The following SIPA1 variants were observed in gnomAD, a reference collection of about 807,000 sequenced individuals.
SIPA1 encodes signal-induced proliferation-associated protein 1.
Under a neutral mutation model 88.1 loss-of-function variants are expected in SIPA1, and 51 were observed. The observed-to-expected ratio is 0.58, with a 90% CI of 0.46 to 0.73. The LOEUF is 0.73. Among genes scored for constraint, SIPA1 ranks in the 30% least tolerant of loss-of-function variants. The probability of loss-of-function intolerance (pLI) is 0.00; values close to 1 mark genes in which losing one functional copy is unlikely to be tolerated. For synonymous variants in SIPA1, 681 were observed against 664.8 expected (o/e 1.02, Z -0.37); for missense variants, 1,348 against 1,467.6 (o/e 0.92, Z 1.33).
intron 1 of SIPA1, chr11:65,639,055 ATTCT>A (rs1440697300): frequency 6.6e-6 from 1 of 152,334 alleles, no homozygotes; most frequent in African/African-American, 2.4e-5. Context: ...CACTCACCTC[ATTCT>A]TCTCAGTCTC....
In SIPA1 at chr11:65,646,025, G is replaced by A. The variant is rs925480414; in HGVS notation, c.1263+68G>A. The A allele has an allele frequency of 8.1e-6, 11 of 1,365,776 alleles. No homozygotes were observed. Among genetic ancestry groups the A allele is most frequent in the East Asian group, 4.8e-5 (2 of 41,462 alleles). 84.6% of individuals were successfully genotyped at this position (1,365,776 alleles called of 1,614,324 possible). A position where few individuals can be genotyped will look rare whatever the true frequency, so the allele number is the denominator to read the frequency against. On this transcript the variant is annotated intron_variant, in intron 6 of 15. Coordinates refer to ENST00000534313, the MANE Select transcript of SIPA1 (RefSeq NM_006747.4). This position sits in a 1 kb window ranked among gnomAD's most constrained non-coding sequence, Gnocchi z 7.5. ...TGGAGGGCCCTGCATGGCCCATGAC[G>A]TTTGAGCTTTGGCCGGAGCTCTGTT...
At chr11:65,640,656 G>A (rs551452003) in intron 1 of SIPA1, 175 bp from the exon 2 acceptor site, 2 of 444,888 alleles carry the variant, frequency 4.5e-6, no homozygotes, top group South Asian at 9.6e-5. Flanking sequence ...GCTAAGCTGG[G>A]GAGGGGGCTG....
rs1856017222 is a variant in SIPA1 at position 65,642,161 on chromosome 11, T to C, written c.680-89T>C. Reference sequence around the variant, plus strand: ...CAACATTTGGTGGTGAGATGAAGCCTAGGGCGGGGCTTAGTGATGCGCGTG... The same window carrying C: ...CAACATTTGGTGGTGAGATGAAGCCCAGGGCGGGGCTTAGTGATGCGCGTG... On this transcript the variant is annotated intron_variant, in intron 2 of 15. Transcript: ENST00000534313. The surrounding 1 kb of genome is among the most constrained non-coding windows in gnomAD (Gnocchi z 6.5). 2 of 1,500,860 alleles carry C rather than the reference T, an allele frequency of 1.3e-6. No homozygotes were observed. Among genetic ancestry groups the C allele is most frequent in the Non-Finnish European group, 1.8e-6 (2 of 1,121,390 alleles). The allele number at this position is 1,500,860 out of a possible 1,614,324, so 93.0% of individuals were successfully genotyped here.
intron 5 of SIPA1, 183 bp from the exon 6 acceptor site, chr11:65,645,671 A>G: frequency 1.8e-6 from 1 of 551,738 alleles, no homozygotes; most frequent in Non-Finnish European, 3.3e-6. Flanking sequence ...GAGGGAGAGG[A>G]GGAGGGGCAC....
In SIPA1 at chr11:65,646,197, G is replaced by A. The variant is rs201900465; in HGVS notation, c.1264-24G>A. On this transcript the variant is annotated intron_variant, in intron 6 of 15. Transcript: ENST00000534313. This position sits in a 1 kb window ranked among gnomAD's most constrained non-coding sequence, Gnocchi z 7.5. ...TTTGGGGCACAGAAGACCTCATCAC[G>A]AGCCCCTACTATCCAACCCCTAGCT... is the stretch of plus-strand genomic sequence containing the variant. 416 of 1,611,848 alleles carry A rather than the reference G, an allele frequency of 2.6e-4. 1 individual carries two copies. The highest frequency in any genetic ancestry group is 3.3e-4 in the Non-Finnish European group (388 of 1,179,154).
Position 65,646,735 on chromosome 11 carries a change from C to T in SIPA1, c.1701C>T (p.Ala567=), listed in dbSNP as rs1318797578. Residue 567 remains alanine (A), a synonymous_variant, in exon 8 of 16, where the codon GCC becomes GCT. Coordinates refer to ENST00000534313, the MANE Select transcript of SIPA1 (RefSeq NM_006747.4). The surrounding 1 kb of genome is among the most constrained non-coding windows in gnomAD (Gnocchi z 7.5). ...CCCTGGGTGGGAGGCGCCGGGCGGC[C>T]CCTCGGGGCCCAGGCGCCGAGCTGC... ...LPSLGGRRRA[A]PRGPGAELQA... 3.9e-6 allele frequency: 6 copies of T among 1,523,922 alleles called. No individual in the cohort carries two copies. Among genetic ancestry groups the T allele is most frequent in the Non-Finnish European group, 5.3e-6 (6 of 1,139,802 alleles). The allele number at this position is 1,523,922 out of a possible 1,614,324, so 94.4% of individuals were successfully genotyped here. A position where few individuals can be genotyped will look rare whatever the true frequency, so the allele number is the denominator to read the frequency against.
rs1238971039 is a variant in SIPA1, at chr11:65,649,410, C to G, written c.2455C>G (p.Pro819Ala). ...GTGCCTGCAAGATGGTGGCAGTCCT[C>G]CAGGGCCTGGGGATCTGGCCGAGGA... is the stretch of plus-strand genomic sequence containing the variant. ...HLCLQDGGSP[P>A]GPGDLAEERT... Residue 819 changes from proline to alanine, a missense_variant, in exon 10 of 16, where the codon CCA becomes GCA. By Grantham distance (27) the Pro-to-Ala change is conservative. Transcript: ENST00000534313. 1 of 1,591,066 alleles carries G rather than the reference C, an allele frequency of 6.3e-7. No homozygotes were observed. Among genetic ancestry groups the G allele is most frequent in the Non-Finnish European group, 8.6e-7 (1 of 1,168,522 alleles).
rs758266247 is a variant in SIPA1, at chr11:65,642,243, C to T, written c.680-7C>T. 3 of 1,550,882 alleles carry T rather than the reference C, an allele frequency of 1.9e-6. No individual in the cohort carries two copies. The highest frequency in any genetic ancestry group is 2.6e-6 in the Non-Finnish European group (3 of 1,148,370). ...GACCAATCGTTTTCTTCGGCGCGGTCCCCCAGAACATCAGAACTTCTTCGG... is the reference window on the plus strand; with the variant it reads ...GACCAATCGTTTTCTTCGGCGCGGTTCCCCAGAACATCAGAACTTCTTCGG... On this transcript the variant is annotated splice_region_variant and splice_polypyrimidine_tract_variant and intron_variant, in intron 2 of 15. Transcript: ENST00000534313. This position sits in a 1 kb window ranked among gnomAD's most constrained non-coding sequence, Gnocchi z 6.5.
rs1300013333 is a variant in SIPA1 at position 65,641,366 on chromosome 11, G to A, written c.445G>A (p.Ala149Thr). Residue 149 changes from alanine (A) to threonine (T), a missense_variant, in exon 2 of 16, where the codon GCC (alanine) becomes ACC (threonine). Around this residue, in one of 4 missense-constraint regions of SIPA1, gnomAD observed 641 missense variants for 797.7 expected, o/e 0.80. Coordinates refer to ENST00000534313, the MANE Select transcript of SIPA1 (RefSeq NM_006747.4). Reference sequence around the variant, plus strand: ...GGCCAGCTCTGGGACCCTGGCTTCAGCCGAGGACCAGGCTGCCAGCTCGGA... The same window carrying A: ...GGCCAGCTCTGGGACCCTGGCTTCAACCGAGGACCAGGCTGCCAGCTCGGA... ...SEASSGTLASAEDQAASSDLL... is the reference protein window; with the variant it reads ...SEASSGTLASTEDQAASSDLL... 3 of 1,613,254 alleles carry A rather than the reference G, an allele frequency of 1.9e-6. No homozygotes were observed. The highest frequency in any genetic ancestry group is 1.3e-5 in the African/African-American group (1 of 74,944).
chr11:65,646,732 G>T lies in SIPA1; in HGVS notation c.1698G>T (p.Ala566=). The T allele has an allele frequency of 6.6e-7, 1 of 1,523,944 alleles. No individual in the cohort carries two copies. 94.4% of individuals were successfully genotyped at this position (1,523,944 alleles called of 1,614,324 possible). Residue 566 remains alanine (A), a synonymous_variant, in exon 8 of 16, where the codon GCG becomes GCT. Coordinates refer to ENST00000534313, the MANE Select transcript of SIPA1 (RefSeq NM_006747.4). This position sits in a 1 kb window ranked among gnomAD's most constrained non-coding sequence, Gnocchi z 7.5. The part of the protein sequence containing the change: ...GLPSLGGRRR[A]APRGPGAELQ... The stretch of plus-strand genomic sequence containing the variant: ...CCTCCCTGGGTGGGAGGCGCCGGGC[G>T]GCCCCTCGGGGCCCAGGCGCCGAGC...
rs756494031 is a variant in SIPA1, at chr11:65,641,087, G to A, written c.166G>A (p.Asp56Asn). 82 of 1,599,744 alleles carry A rather than the reference G, an allele frequency of 5.1e-5. No individual in the cohort carries two copies. Among genetic ancestry groups the A allele is most frequent in the Non-Finnish European group, 6.2e-5 (73 of 1,177,884 alleles). The change falls in exon 2 of 16, where the codon GAT (aspartate) becomes AAT (asparagine). Residue 56 changes from aspartate to asparagine, a missense_variant. Asp to Asn is a conservative substitution (Grantham distance 23, BLOSUM62 1). This residue lies in a region of SIPA1 where 641 missense variants were observed against 797.7 expected (regional missense o/e 0.80). Transcript: ENST00000534313. ...VRGPLLRSGS[D>N]AGEARPPTPA... is the part of the protein sequence containing the mutation. ...GGGCCCACTCCTGCGCAGCGGCAGC[G>A]ATGCAGGCGAGGCCAGGCCCCCCAC...
In SIPA1 at chr11:65,645,246, G is replaced by C. The variant is rs1310582097; in HGVS notation, c.1159+117G>C. ...GGGCTGGGGACTGGAGAGTTCTTTG[G>C]GTGAGCTAAGGATCTGAGTCAGGGC... On this transcript the variant is annotated intron_variant, in intron 5 of 15. Coordinates refer to ENST00000534313, the MANE Select transcript of SIPA1 (RefSeq NM_006747.4). 2.9e-6 allele frequency: 3 copies of C among 1,028,122 alleles called. No homozygotes were observed. In the African/African-American group the frequency reaches 4.8e-5, roughly 16 times the overall value. The allele number at this position is 1,028,122 out of a possible 1,614,324, so 63.7% of individuals were successfully genotyped here.
chr11:65,645,050 C>T lies in SIPA1; in HGVS notation c.1080C>T (p.Phe360=). ...MYNNQEAGPA[F]MQFLTLLGDV... The stretch of plus-strand genomic sequence containing the variant: ...ACAACCAGGAGGCGGGACCGGCCTT[C>T]ATGCAGTTTCTCACCTTGCTGGGCG... Residue 360 remains phenylalanine, a synonymous_variant, in exon 5 of 16, where the codon TTC becomes TTT. Coordinates refer to ENST00000534313, the MANE Select transcript of SIPA1 (RefSeq NM_006747.4). 6.2e-7 allele frequency: 1 copy of T among 1,614,036 alleles called. No homozygotes were observed. Among genetic ancestry groups the T allele is most frequent in the Non-Finnish European group, 8.5e-7 (1 of 1,179,950 alleles).
In SIPA1 at chr11:65,644,948, C is replaced by A. The variant is rs1856077920; in HGVS notation, c.985-7C>A. The A allele has an allele frequency of 3.1e-6, 5 of 1,609,840 alleles. No individual in the cohort carries two copies. The Admixed American group carries it at 6.7e-5, about 22-fold the overall frequency. On this transcript the variant is annotated splice_region_variant and splice_polypyrimidine_tract_variant and intron_variant, in intron 4 of 15. Transcript: ENST00000534313. ...TGAGACCTATGCCTTCTGTCTCCCACCCACAGCTGAGCTTCCAACGCAAGG... is the reference window on the plus strand; with the variant it reads ...TGAGACCTATGCCTTCTGTCTCCCAACCACAGCTGAGCTTCCAACGCAAGG...
Position 65,641,127 on chromosome 11 carries a change from G to T in SIPA1, c.206G>T (p.Arg69Leu), listed in dbSNP as rs904571941. 3 of 1,602,516 alleles carry T rather than the reference G, an allele frequency of 1.9e-6. No individual in the cohort carries two copies. Among genetic ancestry groups the T allele is most frequent in the Non-Finnish European group, 2.5e-6 (3 of 1,179,210 alleles). The change falls in exon 2 of 16, where the codon CGT (arginine) becomes CTT (leucine). Residue 69 changes from arginine (R) to leucine (L), a missense_variant. Around this residue, in one of 4 missense-constraint regions of SIPA1, gnomAD observed 641 missense variants for 797.7 expected, o/e 0.80. Coordinates refer to ENST00000534313, the MANE Select transcript of SIPA1 (RefSeq NM_006747.4). ...EARPPTPASP[R>L]ARAHSHEEAS... ...AGGCCCCCCACGCCAGCCAGCCCCC[G>T]TGCCCGTGCCCACAGCCACGAAGAG...
chr11:65,647,140 C>T, intron 8 of SIPA1, 75 bp downstream of exon 8: 1 of 1,422,848 alleles, frequency 7.0e-7, no homozygotes, highest in Non-Finnish European at 9.2e-7. Flanking sequence ...CCTCCCGCCG[C>T]CTTTGTCCCC....
In SIPA1 at chr11:65,642,685, T is replaced by G. The variant is rs1369521790; in HGVS notation, c.984+46T>G. On this transcript the variant is annotated intron_variant, in intron 4 of 15. Transcript: ENST00000534313. The surrounding 1 kb of genome is among the most constrained non-coding windows in gnomAD (Gnocchi z 6.5). ...CCCCCAGCCATACAGCTGGCCCCAG[T>G]CTGAACCCAGCCTGCCCAGCTCCCA... 1 of 1,460,362 alleles carries G rather than the reference T, an allele frequency of 6.8e-7. No individual in the cohort carries two copies. The highest frequency in any genetic ancestry group is 2.5e-5 in the East Asian group (1 of 39,952). 90.5% of individuals were successfully genotyped at this position (1,460,362 alleles called of 1,614,324 possible). A position where few individuals can be genotyped will look rare whatever the true frequency, so the allele number is the denominator to read the frequency against.
Position 65,649,762 on chromosome 11 carries a change from G to T in SIPA1, c.2643G>T (p.Arg881Ser), listed in dbSNP as rs141877666. 4.3e-5 allele frequency: 70 copies of T among 1,613,902 alleles called. No homozygotes were observed. The highest frequency in any genetic ancestry group is 5.9e-5 in the Non-Finnish European group (70 of 1,180,032). ...ADSETPLTQD[R>S]PGSPSGSEDK... is the part of the protein sequence containing the mutation. ...TATCCACTTCTGTGGCACAGGACAG[G>T]CCAGGCAGTCCCAGTGGCTCTGAGG... is the stretch of plus-strand genomic sequence containing the variant. The change falls in exon 12 of 16, where the codon AGG (arginine) becomes AGT (serine). Residue 881 changes from arginine (R) to serine (S), a missense_variant. This residue lies in a region of SIPA1 where 615 missense variants were observed against 559.8 expected (regional missense o/e 1.10). Transcript: ENST00000534313.
At chr11:65,650,265 G>A in intron 14 of SIPA1, 73 bp downstream of exon 14, 1 of 1,568,438 alleles carries the variant, frequency 6.4e-7, no homozygotes, top group South Asian at 1.1e-5. Context: ...CTGCTGGGGT[G>A]GAGCTCTGTC....
Sources: gnomAD v4.1 joint callset for allele counts on GRCh38, gnomAD v4.1.1 for gene constraint, gnomAD v4.1.1 regional missense constraint, Gnocchi (gnomAD v3.1) non-coding constraint, MANE v1.5 for transcripts, NCBI Gene and HGNC (gene_info 2026-07-23, HGNC 2026-07-21) for gene names.